EIF3E: variants seen among roughly 807,000 people sequenced by gnomAD.
The protein encoded by EIF3E is eIF-3 p48.
EIF3E carries 25 observed loss-of-function variants against 59.3 expected under a neutral mutation model. That is an observed-to-expected ratio of 0.42 (90% CI 0.31 to 0.59). EIF3E has a LOEUF of 0.59. EIF3E is among the 20% of genes least tolerant of loss of function. EIF3E has a pLI of 0.15. For synonymous variants in EIF3E, 176 were observed against 170.2 expected, an observed-to-expected ratio of 1.03 and a Z score of -0.26; for missense variants, 317 against 534.3, an observed-to-expected ratio of 0.59 and a Z score of 4.01.
At chr8:108,219,913 T>C (rs556339017) in intron 7 of EIF3E, among the ~76,000 whole-genome samples, 2 of 151,992 alleles carry the variant, frequency 1.3e-5, no homozygotes, top group Admixed American at 1.3e-4. Flanking sequence ...GAGGCCGAGG[T>C]GGGTGGATCA....
At chr8:108,226,369 AT>A (rs1271205424) in intron 7 of EIF3E, 2 of 151,838 alleles carry the variant, frequency 1.3e-5, no homozygotes, top group East Asian at 3.9e-4. Context: ...AATTTTTTGT[AT>A]TTTTAGTAGA....
intron 3 of EIF3E, among the ~76,000 whole-genome samples, chr8:108,238,142 C>T (rs942617751): frequency 5.3e-5 from 8 of 152,166 alleles, no homozygotes; most frequent in African/African-American, 1.9e-4. Context: ...GGATTATTTC[C>T]GCTGTCCCTT....
chr8:108,202,956 A>G (rs752879087), intron 12 of EIF3E, 27 bp downstream of exon 12: 1 of 1,601,308 alleles, frequency 6.2e-7, no homozygotes, highest in Non-Finnish European at 8.5e-7. Context: ...TAAACCCCAG[A>G]CAGAATAGAA....
intron 3 of EIF3E, among the ~76,000 whole-genome samples, chr8:108,238,126 A>G (rs1276692495): frequency 6.6e-6 from 1 of 152,224 alleles, no homozygotes; most frequent in Admixed American, 6.5e-5. Context: ...TTGTAGTCTA[A>G]CATCTGGATT....
intron 10 of EIF3E, among the ~76,000 whole-genome samples, chr8:108,208,920 T>C (rs1351959263): frequency 1.3e-5 from 2 of 152,122 alleles, no homozygotes; most frequent in African/African-American, 2.4e-5. Flanking sequence ...GTAATCTTTT[T>C]TGACAGATGT....
intron 7 of EIF3E, among the ~76,000 whole-genome samples, chr8:108,219,117 CTCA>C (rs1246724407): frequency 8.5e-5 from 13 of 152,172 alleles, no homozygotes; most frequent in South Asian, 2.1e-4. Context: ...GTTTATGAGA[CTCA>C]TCATTAATTT....
At position 108,216,499 on chromosome 8, in the gene EIF3E, A is replaced by G; in HGVS notation, c.864T>C (p.Tyr288=). 3 of 1,605,606 alleles carry G rather than the reference A, an allele frequency of 1.9e-6. No individual in the cohort carries two copies. The highest frequency in any genetic ancestry group is 2.6e-6 in the Non-Finnish European group (3 of 1,175,788). The change falls in exon 9 of 13, where the codon TAT becomes TAC. Residue 288 remains tyrosine, a synonymous_variant. Transcript: ENST00000220849. ...CAACAAATTCTGTAATTGGGTCTTTATATGTGTAAGACTCCTGTAAAAATA... is the reference window on the plus strand; with the variant it reads ...CAACAAATTCTGTAATTGGGTCTTTGTATGTGTAAGACTCCTGTAAAAATA... ...VKVIQQESYT[Y]KDPITEFVEC...
chr8:108,221,739 T>C (rs1212613890), intron 7 of EIF3E: 1 of 150,026 alleles, frequency 6.7e-6, no homozygotes, highest in Admixed American at 6.6e-5. Context: ...AAGTGCAACA[T>C]ATCATCTCTG....
intron 9 of EIF3E, among the ~76,000 whole-genome samples, chr8:108,214,999 GATA>G (rs892492151): frequency 2.6e-5 from 4 of 152,174 alleles, no homozygotes; most frequent in African/African-American, 4.8e-5. Context: ...ATGCTCTGCA[GATA>G]ATGTTATCTC....
intron 5 of EIF3E, among the ~76,000 whole-genome samples, chr8:108,233,130 T>C (rs1235504189): frequency 6.6e-6 from 1 of 152,236 alleles, no homozygotes; most frequent in Non-Finnish European, 1.5e-5. Flanking sequence ...CATCACTGAT[T>C]ACCTTCAATG....
chr8:108,214,677 C>T lies in EIF3E; in HGVS notation c.991G>A (p.Asp331Asn). 1 of 1,611,256 alleles carries T rather than the reference C, an allele frequency of 6.2e-7. No homozygotes were observed. Among genetic ancestry groups the T allele is most frequent in the Non-Finnish European group, 8.5e-7 (1 of 1,179,316 alleles). ...AAGAGACGGGCATTTTCAATGAAAT[C>T]CTCAAGACAAGCCACCAAGAAGAAG... ...NDFFLVACLE[D>N]FIENARLFIF... is the part of the protein sequence containing the mutation. Residue 331 changes from aspartate to asparagine, a missense_variant, in exon 10 of 13, where the codon GAT becomes AAT. This residue lies in a region of EIF3E where 242 missense variants were observed against 398.0 expected (regional missense o/e 0.61). Coordinates refer to ENST00000220849, the MANE Select transcript of EIF3E (RefSeq NM_001568.3).
At chr8:108,219,908 C>T (rs981660118) in intron 7 of EIF3E, among the ~76,000 whole-genome samples, 4 of 151,956 alleles carry the variant, frequency 2.6e-5, no homozygotes, top group Non-Finnish European at 5.9e-5. Context: ...TTTGGGAGGC[C>T]GAGGTGGGTG....
At chr8:108,213,219 A>G (rs1815243053) in intron 10 of EIF3E, among the ~76,000 whole-genome samples, 1 of 152,222 alleles carries the variant, frequency 6.6e-6, no homozygotes, top group Non-Finnish European at 1.5e-5. Context: ...ACATGGCTGC[A>G]GAGTTAAAGG....
intron 10 of EIF3E, among the ~76,000 whole-genome samples, chr8:108,207,652 T>C (rs1017667975): frequency 6.6e-6 from 1 of 152,226 alleles, no homozygotes; most frequent in East Asian, 1.9e-4. Context: ...TGTAGGCAGC[T>C]TAAGGTAGAT....
At chr8:108,208,295 T>C (rs1007475867) in intron 10 of EIF3E, among the ~76,000 whole-genome samples, 1 of 152,190 alleles carries the variant, frequency 6.6e-6, no homozygotes, top group African/African-American at 2.4e-5. Flanking sequence ...CATTTGGATA[T>C]AGAAACCTCT....
chr8:108,239,334 G>A (rs1031583655), intron 3 of EIF3E, among the ~76,000 whole-genome samples: 1 of 152,032 alleles, frequency 6.6e-6, no homozygotes, highest in Non-Finnish European at 1.5e-5. Context: ...GAGACTACAA[G>A]CGCACACCAC....
intron 1 of EIF3E, chr8:108,242,328 T>A (rs1242531812): frequency 7.8e-7 from 1 of 1,289,618 alleles, no homozygotes; most frequent in Admixed American, 2.3e-5. Flanking sequence ...TGCTTCTCCA[T>A]CCACATTGCT....
chr8:108,247,795 T>A (rs2129936801), intron 1 of EIF3E, among the ~76,000 whole-genome samples: 1 of 152,330 alleles, frequency 6.6e-6, no homozygotes, highest in Admixed American at 6.5e-5. Flanking sequence ...AATGCATCAA[T>A]TTCCCAATAA....
intron 5 of EIF3E, 95 bp downstream of exon 5, chr8:108,234,903 C>G: frequency 1.5e-6 from 1 of 658,188 alleles, no homozygotes. Flanking sequence ...ACTTAATGAA[C>G]AGACCCAAAT....
Sources: gnomAD v4.1 joint callset for allele counts (sites outside exome capture counted in the v4.1 genomes callset) on GRCh38, gnomAD v4.1.1 for gene constraint, gnomAD v4.1.1 regional missense constraint, MANE v1.5 for transcripts, NCBI Gene and HGNC (gene_info 2026-07-23, HGNC 2026-07-21) for gene names.